Variants in SORBS2 observed in about 807,000 individuals in gnomAD.
SORBS2 encodes sorbin and SH3 domain-containing protein 2.
Under a neutral mutation model 97.7 loss-of-function variants are expected in SORBS2, and 46 were observed. That is an observed-to-expected ratio of 0.47 (90% CI 0.37 to 0.60). The LOEUF (loss-of-function observed/expected upper bound fraction) is 0.60, where lower values mean the gene tolerates loss of function less well. SORBS2 is among the 20% of genes least tolerant of loss of function. The pLI is 0.00. For missense variants in SORBS2, 1,316 were observed against 1,282.3 expected, an observed-to-expected ratio of 1.03 and a Z score of -0.40; for synonymous variants, 476 against 473.4, an observed-to-expected ratio of 1.01 and a Z score of -0.07.
chr4:185,730,989 C>T (rs953559330), intron 2 of SORBS2, among the ~76,000 whole-genome samples: 2 of 152,214 alleles, frequency 1.3e-5, no homozygotes, highest in African/African-American at 4.8e-5. Flanking sequence ...CACCATTCAA[C>T]AGAATGCTGT....
chr4:185,955,857 C>A (rs907224968), intron 1 of SORBS2, among the ~76,000 whole-genome samples: 2 of 152,130 alleles, frequency 1.3e-5, no homozygotes, highest in South Asian at 4.2e-4. Flanking sequence ...CCTCCACCCC[C>A]ACCCCAGGTC....
intron 1 of SORBS2, among the ~76,000 whole-genome samples, chr4:185,879,597 T>G (rs2099235857): frequency 2.0e-5 from 3 of 152,210 alleles, no homozygotes; most frequent in African/African-American, 7.2e-5. Context: ...ATCGCCACAA[T>G]GACTTCCACA....
chr4:185,868,437 T>G (rs2099228531), intron 1 of SORBS2, among the ~76,000 whole-genome samples: 1 of 151,870 alleles, frequency 6.6e-6, no homozygotes, highest in South Asian at 2.1e-4. Flanking sequence ...ATTACAGGCA[T>G]GAGCCACCGT....
At chr4:185,589,533 G>A (rs562718500) in intron 14 of SORBS2, 146 bp downstream of exon 26, 21 of 625,194 alleles carry the variant, frequency 3.4e-5, no homozygotes, top group African/African-American at 3.3e-4. Flanking sequence ...AATAGCCTTG[G>A]GATTACATTG....
chr4:185,704,722 A>AT (rs1212257377), intron 2 of SORBS2, among the ~76,000 whole-genome samples: 1 of 152,108 alleles, frequency 6.6e-6, no homozygotes, highest in African/African-American at 2.4e-5. Context: ...ATGTTTTGAG[A>AT]AATAAGACAA....
chr4:185,877,867 C>CAAAAAAAAAAAAAAAAAAA (rs1491116547), intron 1 of SORBS2, among the ~76,000 whole-genome samples: 3 of 50,446 alleles, frequency 5.9e-5, no homozygotes, highest in Non-Finnish European at 7.6e-5. Context: ...GAGACTCTGT[C>CAAAAAAAAAAAAAAAAAAA]AAAAAACAAA....
chr4:185,745,430 A>G (rs1012343158), intron 2 of SORBS2, among the ~76,000 whole-genome samples: 5 of 152,136 alleles, frequency 3.3e-5, no homozygotes, highest in African/African-American at 9.7e-5. Flanking sequence ...TGCGTTAAGA[A>G]TTAACTAATC....
At chr4:185,938,946 C>T (rs1327568268) in intron 1 of SORBS2, among the ~76,000 whole-genome samples, 1 of 152,200 alleles carries the variant, frequency 6.6e-6, no homozygotes, top group Admixed American at 6.5e-5. Flanking sequence ...ATGGGTCTCA[C>T]TTTTAAAGAC....
intron 1 of SORBS2, among the ~76,000 whole-genome samples, chr4:185,931,787 AAGAC>A (rs1237391994): frequency 2.2e-5 from 3 of 139,472 alleles, no homozygotes; most frequent in Admixed American, 7.5e-5. Flanking sequence ...AAGAAAGAAA[AAGAC>A]AGGAGAGGCA....
At chr4:185,813,550 G>T (rs2099190562) in intron 1 of SORBS2, among the ~76,000 whole-genome samples, 1 of 152,152 alleles carries the variant, frequency 6.6e-6, no homozygotes, top group Non-Finnish European at 1.5e-5. Context: ...CTGTTGCTGA[G>T]CGTGCCCCTG....
chr4:185,758,395 C>T (rs2153606731), intron 2 of SORBS2, among the ~76,000 whole-genome samples: 1 of 152,258 alleles, frequency 6.6e-6, no homozygotes, highest in South Asian at 2.1e-4. Context: ...TGCCTTCCTC[C>T]TATCTCCCTG....
chr4:185,675,700 G>T (rs944112299), intron 4 of SORBS2, among the ~76,000 whole-genome samples: 9 of 152,042 alleles, frequency 5.9e-5, no homozygotes, highest in African/African-American at 1.7e-4. Flanking sequence ...ATAGAGTAAG[G>T]CCTTAATATT....
At chr4:185,924,977 A>G (rs1165136874) in intron 1 of SORBS2, among the ~76,000 whole-genome samples, 1 of 152,148 alleles carries the variant, frequency 6.6e-6, no homozygotes, top group South Asian at 2.1e-4. Context: ...TCCCACCCCA[A>G]AAATCACTCT....
intron 4 of SORBS2, among the ~76,000 whole-genome samples, chr4:185,641,761 A>AG (rs2097130175): frequency 2.7e-5 from 3 of 109,796 alleles, no homozygotes; most frequent in Admixed American, 8.4e-5. Flanking sequence ...TCTTTTCATT[A>AG]AAAAAAAAAA....
intron 14 of SORBS2, among the ~76,000 whole-genome samples, chr4:185,588,804 G>T (rs1011819153): frequency 6.6e-6 from 1 of 152,024 alleles, no homozygotes; most frequent in Admixed American, 6.6e-5. Flanking sequence ...TGGTAGATAC[G>T]GGGTTTCACC....
intron 2 of SORBS2, among the ~76,000 whole-genome samples, chr4:185,691,601 T>G (rs2098096203): frequency 6.6e-6 from 1 of 152,172 alleles, no homozygotes; most frequent in African/African-American, 2.4e-5. Context: ...ATCTTTCTCT[T>G]TTTTAAAGAC....
chr4:185,593,653 T>C (rs188056144), intron 13 of SORBS2: 495 of 500,172 alleles, frequency 9.9e-4, no homozygotes, highest in African/African-American at 9.0e-3. Flanking sequence ...CATTGGGAAG[T>C]TTTCCTAGTG....
At chr4:185,678,870 A>T in intron 2 of SORBS2, 48 bp from the exon 6 acceptor site, 1 of 1,151,926 alleles carries the variant, frequency 8.7e-7, no homozygotes, top group East Asian at 2.8e-5. Context: ...GAAATAAATG[A>T]ACAACCCAGT....
At chr4:185,596,235 T>TTAG (rs1181677227) in intron 12 of SORBS2, among the ~76,000 whole-genome samples, 1 of 152,212 alleles carries the variant, frequency 6.6e-6, no homozygotes, top group African/African-American at 2.4e-5. Flanking sequence ...GTAAAACTGG[T>TTAG]TAGTTTCATT....
Sources: allele counts gnomAD v4.1 joint callset (sites outside exome capture counted in the v4.1 genomes callset), GRCh38; gene constraint gnomAD v4.1.1; transcripts MANE v1.5; gene names NCBI Gene and HGNC (gene_info 2026-07-23, HGNC 2026-07-21).